The following CYP3A7 variants were observed in gnomAD, a reference collection of about 807,000 sequenced individuals.
The protein encoded by CYP3A7 is cytochrome P450 3A7.
In CYP3A7, 45 loss-of-function variants were observed where a neutral mutation model predicts 55.2. The ratio of observed to expected loss-of-function variants is 0.82; its 90% CI spans 0.64 to 1.05. The LOEUF (loss-of-function observed/expected upper bound fraction) is 1.05, where lower values mean the gene tolerates loss of function less well. Ranked by LOEUF, CYP3A7 falls within the 50% of genes least tolerant of loss-of-function variation. CYP3A7 has a pLI of 0.00. For missense variants in CYP3A7, 548 were observed against 605.3 expected (o/e 0.91, Z 0.99); for synonymous variants, 180 against 207.4 (o/e 0.87, Z 1.13).
intron 2 of CYP3A7, among the ~76,000 whole-genome samples, chr7:99,723,454 C>T (rs1814284761): frequency 6.6e-6 from 1 of 152,166 alleles, no homozygotes; most frequent in Admixed American, 6.5e-5. Flanking sequence ...AAAACTGACC[C>T]ACCCCTATCT....
At chr7:99,723,631 C>T (rs528024775) in intron 2 of CYP3A7, among the ~76,000 whole-genome samples, 3 of 152,258 alleles carry the variant, frequency 2.0e-5, no homozygotes, top group East Asian at 3.9e-4. Flanking sequence ...ATCCCCTGTC[C>T]TCGCCCTCAC....
At position 99,714,486 on chromosome 7, in the gene CYP3A7, C is replaced by T. The variant is rs377644705; in HGVS notation, c.798+69G>A. ...TCTAAAAACATACAGGGAAGTGCAC[C>T]GATCATATGTATATTTCTAAAAAAT... On this transcript the variant is annotated intron_variant, in intron 8 of 12. Transcript: ENST00000336374. 471 of 1,593,184 alleles carry T rather than the reference C, an allele frequency of 3.0e-4. 1 individual carries two copies. The African/African-American group carries it at 4.3e-3, about 14-fold the overall frequency.
chr7:99,733,246 C>T (rs968322765), intron 1 of CYP3A7, among the ~76,000 whole-genome samples: 1 of 152,206 alleles, frequency 6.6e-6, no homozygotes, highest in East Asian at 1.9e-4. Context: ...GTTACATGAT[C>T]TCTCAGGCCA....
chr7:99,725,225 C>T (rs73410647), intron 2 of CYP3A7, among the ~76,000 whole-genome samples: 6,586 of 152,218 alleles, frequency 0.043, 451 homozygotes, highest in African/African-American at 0.15. Context: ...CTTCACAGCC[C>T]TGGACCCAGA....
rs377056156 is a variant in CYP3A7 at position 99,707,829 on chromosome 7, G to A, written c.1399C>T (p.Pro467Ser). Residue 467 changes from proline to serine, a missense_variant, in exon 12 of 13, where the codon CCT becomes TCT. By Grantham distance (74) the Pro-to-Ser change is moderately conservative. Transcript: ENST00000336374. ...VRVLQNFSFK[P>S]CKETQIPLKL... ...TGACTGACCTGTGTTTCTTTACAAG[G>A]TTTGAAGGAGAAGTTCTGAAGGACT... is the stretch of plus-strand genomic sequence containing the variant. 41 of 1,613,752 alleles carry A rather than the reference G, an allele frequency of 2.5e-5. No homozygotes were observed. The Middle Eastern group carries it at 6.6e-4, about 26-fold the overall frequency.
At position 99,735,070 on chromosome 7, in the gene CYP3A7, GGCCAAGTTT is replaced by G; in HGVS notation, c.15_23del (p.Asn6_Ala8del). 6.2e-7 allele frequency: 1 copy of G among 1,614,022 alleles called. No homozygotes were observed. The highest frequency in any genetic ancestry group is 8.5e-7 in the Non-Finnish European group (1 of 1,179,954). ...CAGCCAGGAGAAGCCAGGTTTCCACGGCCAAGTTTGGGATGAGATCCATCACTACTTTCC... is the reference window on the plus strand; with the variant it reads ...CAGCCAGGAGAAGCCAGGTTTCCACGGGGATGAGATCCATCACTACTTTCC... On this transcript the variant is annotated inframe_deletion, in exon 1 of 13. Coordinates refer to ENST00000336374, the MANE Select transcript of CYP3A7 (RefSeq NM_000765.5).
intron 8 of CYP3A7, 55 bp from the exon 9 acceptor site, chr7:99,713,590 T>G: frequency 6.2e-7 from 1 of 1,611,158 alleles, no homozygotes; most frequent in African/African-American, 1.3e-5. Flanking sequence ...AAGTCAGAAG[T>G]TAATCAGAAG....
intron 12 of CYP3A7, among the ~76,000 whole-genome samples, 200 bp downstream of exon 12, chr7:99,707,612 T>C (rs1813573580): frequency 6.6e-6 from 1 of 152,208 alleles, no homozygotes; most frequent in South Asian, 2.1e-4. Context: ...ACATTGACAT[T>C]GCATGATGTT....
At chr7:99,722,186 C>G in intron 3 of CYP3A7, 110 bp downstream of exon 3, 3 of 1,367,688 alleles carry the variant, frequency 2.2e-6, no homozygotes, top group Non-Finnish European at 3.1e-6. Context: ...TGTAGTTAGG[C>G]TGGCAAGAGC....
intron 10 of CYP3A7, 117 bp downstream of exon 10, chr7:99,710,615 T>C (rs1171985234): frequency 2.6e-6 from 4 of 1,553,062 alleles, no homozygotes; most frequent in Non-Finnish European, 3.5e-6. Context: ...TTCCTACATA[T>C]TGTGAATGAA....
intron 2 of CYP3A7, among the ~76,000 whole-genome samples, chr7:99,723,999 C>T (rs900149067): frequency 6.6e-6 from 1 of 152,174 alleles, no homozygotes; most frequent in African/African-American, 2.4e-5. Context: ...ACAAGTACCA[C>T]CTCCCCTGGG....
intron 10 of CYP3A7, among the ~76,000 whole-genome samples, chr7:99,709,574 A>G (rs192717113): frequency 2.8e-4 from 43 of 152,332 alleles, no homozygotes; most frequent in African/African-American, 8.9e-4. Flanking sequence ...GGCTATGACC[A>G]CTAGCATCAA....
intron 11 of CYP3A7, 115 bp downstream of exon 11, chr7:99,708,920 T>G: frequency 3.2e-6 from 4 of 1,254,864 alleles, no homozygotes; most frequent in East Asian, 2.4e-5. Flanking sequence ...AAAAAACCTT[T>G]TAAACATAAA....
intron 9 of CYP3A7, among the ~76,000 whole-genome samples, chr7:99,712,337 C>T (rs1813778826): frequency 6.6e-6 from 1 of 152,188 alleles, no homozygotes. Context: ...TACCATGAAC[C>T]TGATGATACT....
intron 10 of CYP3A7, among the ~76,000 whole-genome samples, chr7:99,710,136 A>C (rs1268625426): frequency 6.6e-6 from 1 of 152,248 alleles, no homozygotes; most frequent in African/African-American, 2.4e-5. Context: ...ATGTCTCTTC[A>C]TAGCACAAAG....
intron 1 of CYP3A7, among the ~76,000 whole-genome samples, chr7:99,732,660 G>A (rs1371065401): frequency 6.6e-6 from 1 of 152,146 alleles, no homozygotes; most frequent in Non-Finnish European, 1.5e-5. Flanking sequence ...GGATGAAGCA[G>A]AAAAGTTGAT....
intron 2 of CYP3A7, 195 bp downstream of exon 2, chr7:99,730,864 G>A (rs1321896377): frequency 1.5e-6 from 1 of 646,894 alleles, no homozygotes; most frequent in Non-Finnish European, 2.6e-6. Flanking sequence ...GTCCAACTGA[G>A]GCAAACTTGA....
At chr7:99,712,577 G>C (rs1176347866) in intron 9 of CYP3A7, among the ~76,000 whole-genome samples, 1 of 152,180 alleles carries the variant, frequency 6.6e-6, no homozygotes, top group East Asian at 1.9e-4. Flanking sequence ...ATCACAGCAA[G>C]TTGTATTGGG....
intron 8 of CYP3A7, 145 bp from the exon 9 acceptor site, chr7:99,713,680 A>T (rs1472366058): frequency 3.7e-6 from 4 of 1,077,552 alleles, no homozygotes; most frequent in Admixed American, 4.2e-5. Context: ...GTCACCAGTG[A>T]AAAGGAATAT....
Sources: allele counts gnomAD v4.1 joint callset (sites outside exome capture counted in the v4.1 genomes callset), GRCh38; gene constraint gnomAD v4.1.1; transcripts MANE v1.5; gene names NCBI Gene and HGNC (gene_info 2026-07-23, HGNC 2026-07-21).